GTF3C2: variants seen among roughly 807,000 people sequenced by gnomAD.
GTF3C2 encodes the protein general transcription factor IIIC subunit 2, also known as general transcription factor 3C polypeptide 2.
GTF3C2 carries 17 observed loss-of-function variants against 117.4 expected under a neutral mutation model. That is an observed-to-expected ratio of 0.14 (90% CI 0.10 to 0.22). GTF3C2 has a LOEUF of 0.22. GTF3C2 is among the 10% of genes least tolerant of loss of function. The pLI is 1.00. For synonymous variants in GTF3C2, 437 were observed against 427.0 expected, an observed-to-expected ratio of 1.02 and a Z score of -0.29; for missense variants, 888 against 1,143.6, an observed-to-expected ratio of 0.78 and a Z score of 3.22.
At chr2:27,351,775 T>C (rs943568964) in intron 1 of GTF3C2, among the ~76,000 whole-genome samples, 4 of 152,130 alleles carry the variant, frequency 2.6e-5, no homozygotes, top group African/African-American at 7.2e-5. Flanking sequence ...CAAGTGGAAG[T>C]TGCTCATTCA....
At chr2:27,354,647 C>G (rs187527290) in intron 1 of GTF3C2, among the ~76,000 whole-genome samples, 1 of 151,960 alleles carries the variant, frequency 6.6e-6, no homozygotes, top group Admixed American at 6.6e-5. Flanking sequence ...CCCATCTACT[C>G]GGGAGGCTGA....
exon 4 of GTF3C2, chr2:27,342,153 T>G (rs754217395): frequency 6.2e-7 from 1 of 1,614,116 alleles, no homozygotes. Context: ...GCTGCTCACC[T>G]TGGGGCCCTC....
At chr2:27,328,769 G>T in intron 15 of GTF3C2, 75 bp downstream of exon 15, 1 of 1,155,264 alleles carries the variant, frequency 8.7e-7, no homozygotes, top group Non-Finnish European at 1.3e-6. Flanking sequence ...CAAAACTACT[G>T]CCTCTGACTA....
chr2:27,326,988 A>G, intron 18 of GTF3C2, 95 bp from the exon 19 acceptor site: 1 of 792,284 alleles, frequency 1.3e-6, no homozygotes, highest in East Asian at 2.6e-5. Context: ...ATGAGCCACA[A>G]TCTGAAAGGA....
At chr2:27,330,479 A>G (rs1330340146) in intron 12 of GTF3C2, among the ~76,000 whole-genome samples, 1 of 151,980 alleles carries the variant, frequency 6.6e-6, no homozygotes. Flanking sequence ...AAGAAAAAAA[A>G]AAGAAAATGT....
intron 16 of GTF3C2, 61 bp from the exon 17 acceptor site, chr2:27,328,250 A>G: frequency 7.2e-7 from 1 of 1,391,054 alleles, no homozygotes; most frequent in Non-Finnish European, 9.9e-7. Flanking sequence ...AAGCAGAGGA[A>G]AGTGGTTTGG....
At chr2:27,335,747 T>A (rs1187274553) in intron 9 of GTF3C2, 41 bp from the exon 10 acceptor site, 1 of 1,364,058 alleles carries the variant, frequency 7.3e-7, no homozygotes, top group Non-Finnish European at 1.0e-6. Context: ...TGCCTTCAGC[T>A]GACTCACAGA....
chr2:27,329,052 A>C lies in GTF3C2; in HGVS notation c.2039+69T>G. The C allele has an allele frequency of 6.4e-7, 1 of 1,555,002 alleles. No individual in the cohort carries two copies. The highest frequency in any genetic ancestry group is 8.9e-7 in the Non-Finnish European group (1 of 1,127,176). ...CTCTCTACCCTCCTCTCCCCACAAC[A>C]ATCTGGCATGCTTTGCATTCCAACC... On this transcript the variant is annotated intron_variant, in intron 14 of 18. Coordinates refer to ENST00000264720, the Ensembl canonical transcript of GTF3C2. This position sits in a 1 kb window ranked among gnomAD's most constrained non-coding sequence, Gnocchi z 4.5.
At chr2:27,332,712 C>T (rs773689847) in intron 12 of GTF3C2, among the ~76,000 whole-genome samples, 29 of 150,732 alleles carry the variant, frequency 1.9e-4, no homozygotes, top group Non-Finnish European at 3.1e-4. Context: ...CCGTGCCCGG[C>T]CTAAAAATTT....
At chr2:27,330,961 AAAAAT>A (rs1680254750) in intron 12 of GTF3C2, among the ~76,000 whole-genome samples, 1 of 152,162 alleles carries the variant, frequency 6.6e-6, no homozygotes, top group Non-Finnish European at 1.5e-5. Flanking sequence ...CTGTCTCAAA[AAAAAT>A]AAAATAGCCT....
At chr2:27,351,273 G>A (rs1468563266) in intron 1 of GTF3C2, among the ~76,000 whole-genome samples, 2 of 152,042 alleles carry the variant, frequency 1.3e-5, no homozygotes, top group South Asian at 2.1e-4. Flanking sequence ...TTAGCTGGGC[G>A]TGGTGCCACG....
At chr2:27,332,245 C>T (rs2148259340) in intron 12 of GTF3C2, among the ~76,000 whole-genome samples, 1 of 152,112 alleles carries the variant, frequency 6.6e-6, no homozygotes, top group East Asian at 1.9e-4. Context: ...AACTCCTGGG[C>T]TGCGATCCTC....
intron 1 of GTF3C2, among the ~76,000 whole-genome samples, chr2:27,348,815 T>C (rs1294661044): frequency 6.6e-6 from 1 of 151,952 alleles, no homozygotes; most frequent in Non-Finnish European, 1.5e-5. Context: ...TAATAAAGAT[T>C]TGGTTTGATT....
At chr2:27,344,842 G>A (rs552934594) in intron 1 of GTF3C2, among the ~76,000 whole-genome samples, 7 of 151,950 alleles carry the variant, frequency 4.6e-5, no homozygotes, top group Non-Finnish European at 7.4e-5. Flanking sequence ...AAAGTTAGCC[G>A]GGCATGGTGG....
rs547274936 is a variant in GTF3C2, at chr2:27,338,143, A to G, written c.856-123T>C. The G allele has an allele frequency of 5.4e-5, 38 of 709,752 alleles. 2 individuals carry two copies. Among genetic ancestry groups the G allele is most frequent in the South Asian group, 5.3e-4 (34 of 64,308 alleles). The allele number at this position is 709,752 out of a possible 1,614,324, so 44.0% of individuals were successfully genotyped here. On this transcript the variant is annotated intron_variant, in intron 4 of 18. Transcript: ENST00000264720. ...TACCTCCCCCTCCAATCACTGCCCT[A>G]TCAGCATCTTAAAAGATTTGTGTTT...
chr2:27,326,914 AAG>A (rs777015032), intron 18 of GTF3C2, 21 bp from the exon 19 acceptor site: 45 of 1,507,968 alleles, frequency 3.0e-5, no homozygotes, highest in Non-Finnish European at 4.0e-5. Flanking sequence ...AACAGAAAAC[AAG>A]AGAGAGATGC....
chr2:27,333,504 CTTAT>C (rs1045213266), intron 12 of GTF3C2, 147 bp downstream of exon 12: 8 of 607,626 alleles, frequency 1.3e-5, no homozygotes, highest in African/African-American at 9.4e-5. Flanking sequence ...AGTCTAGTGA[CTTAT>C]TTCTTTCTAT....
chr2:27,326,027 T>C (rs1220149503), exon 19 of GTF3C2: 2 of 265,002 alleles, frequency 7.5e-6, no homozygotes, highest in Admixed American at 5.1e-5. Context: ...TTAAAAAACA[T>C]GACTGTTCAG....
chr2:27,326,508 GA>G (rs1215933868), exon 19 of GTF3C2: 3 of 619,700 alleles, frequency 4.8e-6, no homozygotes, highest in Non-Finnish European at 2.9e-6. Flanking sequence ...TGTGATCACA[GA>G]AGTCTGTAGA....
Sources: allele counts gnomAD v4.1 joint callset (sites outside exome capture counted in the v4.1 genomes callset), GRCh38; gene constraint gnomAD v4.1.1; non-coding constraint Gnocchi (gnomAD v3.1); transcripts MANE v1.5; gene names NCBI Gene and HGNC (gene_info 2026-07-23, HGNC 2026-07-21).